The following PPFIA2 variants were observed in gnomAD, a reference collection of about 807,000 sequenced individuals.
PPFIA2 encodes the protein liprin-alpha-2.
Under a neutral mutation model 175.5 loss-of-function variants are expected in PPFIA2, and 46 were observed. That is an observed-to-expected ratio of 0.26 (90% confidence interval 0.21 to 0.34). PPFIA2 has a LOEUF of 0.34. PPFIA2 is among the 10% of genes least tolerant of loss of function. The pLI, the probability that PPFIA2 is intolerant of heterozygous loss-of-function variation, is 1.00. For missense variants in PPFIA2, 1,179 were observed against 1,506.1 expected (o/e 0.78, Z 3.60); for synonymous variants, 568 against 511.4 (o/e 1.11, Z -1.49).
At position 81,676,791 on chromosome 12, in the gene PPFIA2, C is replaced by T. The variant is rs776234519; in HGVS notation, c.303G>A (p.Pro101=). 7 of 1,552,660 alleles carry T rather than the reference C, an allele frequency of 4.5e-6. No individual in the cohort carries two copies. Among genetic ancestry groups the T allele is most frequent in the South Asian group, 2.4e-5 (2 of 82,162 alleles). ...AAATTTAATGAAGAATCTAACTTAC[C>T]GGTGGATCAGCCCCCTTAGAACCAG... ...GLAGSKGADP[P]EFAALTKELN... The change falls in exon 4 of 33, where the codon CCG becomes CCA. Residue 101 remains proline, a splice_region_variant and synonymous_variant. Transcript: ENST00000549396.
At position 81,754,411 on chromosome 12, in the gene PPFIA2, C is replaced by T. The variant is rs117297744; in HGVS notation, c.-2-188G>A. Among the ~76,000 whole-genome samples the T allele has an allele frequency of 5.9e-3, 905 of 152,316 alleles. 3 individuals carry two copies. The highest frequency in any genetic ancestry group is 0.034 in the Middle Eastern group (10 of 294). ...TGAAATATGATCCATTTACTTCCTT[C>T]AGCCTAAGTGCTTTCTCTTTCCATG... On this transcript the variant is annotated intron_variant, in intron 2 of 32. Coordinates refer to ENST00000549396, the MANE Select transcript of PPFIA2 (RefSeq NM_003625.5).
intron 28 of PPFIA2, among the ~76,000 whole-genome samples, chr12:81,275,932 C>T (rs2040395199): frequency 6.6e-6 from 1 of 151,724 alleles, no homozygotes; most frequent in Non-Finnish European, 1.5e-5. Flanking sequence ...CTACAGGCGC[C>T]TGCCACCACG....
chr12:81,415,551 G>A (rs1439386417), intron 7 of PPFIA2, among the ~76,000 whole-genome samples: 1 of 148,304 alleles, frequency 6.7e-6, no homozygotes, highest in African/African-American at 2.4e-5. Flanking sequence ...AATACACATG[G>A]AATTCAAACT....
At chr12:81,436,537 T>C (rs1299192216) in intron 7 of PPFIA2, among the ~76,000 whole-genome samples, 4 of 152,018 alleles carry the variant, frequency 2.6e-5, no homozygotes, top group African/African-American at 7.2e-5. Flanking sequence ...AAGCTGCTAA[T>C]AGTATGAATT....
chr12:81,339,063 C>G (rs1311858824), intron 21 of PPFIA2, 117 bp downstream of exon 21: 1 of 972,512 alleles, frequency 1.0e-6, no homozygotes, highest in African/African-American at 1.7e-5. Flanking sequence ...TAAATTTTGT[C>G]AGGTAGAAAA....
chr12:81,445,005 G>A (rs1198301887), intron 6 of PPFIA2, among the ~76,000 whole-genome samples: 2 of 151,748 alleles, frequency 1.3e-5, no homozygotes, highest in Non-Finnish European at 2.9e-5. Context: ...CTAAACACAG[G>A]TTTTTCTACT....
chr12:81,552,790 G>A (rs933217631), intron 4 of PPFIA2, among the ~76,000 whole-genome samples: 6 of 151,882 alleles, frequency 4.0e-5, no homozygotes, highest in East Asian at 3.9e-4. Context: ...TCCCATTCAC[G>A]CTAAACAGTA....
At chr12:81,580,460 T>C (rs528922307) in intron 4 of PPFIA2, among the ~76,000 whole-genome samples, 7 of 151,920 alleles carry the variant, frequency 4.6e-5, no homozygotes, top group African/African-American at 1.7e-4. Context: ...CACGGTATGG[T>C]TGAACATCAA....
chr12:81,645,735 G>C (rs927370394), intron 4 of PPFIA2, among the ~76,000 whole-genome samples: 14 of 152,228 alleles, frequency 9.2e-5, no homozygotes, highest in African/African-American at 3.4e-4. Flanking sequence ...AGCCATAAAA[G>C]TGGGTAGTAG....
Position 81,642,673 on chromosome 12 carries a change from A to ATGTGTATGTATATATTATATACATG in PPFIA2, c.303+34117_303+34118insCATGTATATAATATATACATACACA. On this transcript the variant is annotated intron_variant, in intron 4 of 32. Transcript: ENST00000549396. Reference sequence around the variant, plus strand: ...ATGTATGTATCTATTATATACATACATGTATGTATCTATTATATACATACA... The same window carrying ATGTGTATGTATATATTATATACATG: ...ATGTATGTATCTATTATATACATACATGTGTATGTATATATTATATACATGTGTATGTATCTATTATATACATACA... 1.1e-4 allele frequency among the ~76,000 whole-genome samples: 3 copies of ATGTGTATGTATATATTATATACATG among 28,414 alleles called. 1 individual carries two copies. In the South Asian group the frequency reaches 4.1e-3, roughly 39 times the overall value. 18.6% of individuals were successfully genotyped at this position (28,414 alleles called of 152,430 possible).
At chr12:81,668,289 AC>A (rs1555577290) in intron 4 of PPFIA2, among the ~76,000 whole-genome samples, 2 of 151,950 alleles carry the variant, frequency 1.3e-5, no homozygotes, top group Non-Finnish European at 2.9e-5. Context: ...AAGCTCATGT[AC>A]CTTTGACACA....
intron 4 of PPFIA2, among the ~76,000 whole-genome samples, chr12:81,512,116 C>G (rs759300947): frequency 6.6e-6 from 1 of 151,986 alleles, no homozygotes; most frequent in African/African-American, 2.4e-5. Flanking sequence ...CTTTTTCTGC[C>G]TGCTTTTAAG....
intron 4 of PPFIA2, among the ~76,000 whole-genome samples, chr12:81,471,921 G>A (rs2056800992): frequency 6.6e-6 from 1 of 152,132 alleles, no homozygotes; most frequent in Non-Finnish European, 1.5e-5. Context: ...TGTGGTGATT[G>A]TAACATGAGT....
At chr12:81,469,991 G>C (rs539610930) in intron 4 of PPFIA2, among the ~76,000 whole-genome samples, 5 of 152,178 alleles carry the variant, frequency 3.3e-5, no homozygotes, top group Non-Finnish European at 7.3e-5. Context: ...CTGAAACTCT[G>C]ATCTCAGGTT....
At chr12:81,503,935 G>T (rs1225316387) in intron 4 of PPFIA2, among the ~76,000 whole-genome samples, 1 of 151,766 alleles carries the variant, frequency 6.6e-6, no homozygotes, top group Non-Finnish European at 1.5e-5. Flanking sequence ...AATTGTATTT[G>T]AGCAAATACA....
intron 8 of PPFIA2, among the ~76,000 whole-genome samples, chr12:81,391,194 AAT>A (rs374689253): frequency 9.2e-5 from 14 of 151,962 alleles, no homozygotes; most frequent in African/African-American, 3.4e-4. Context: ...GAAAGCAGAG[AAT>A]ATCTTTGTGA....
At chr12:81,440,552 G>GT (rs939568213) in intron 6 of PPFIA2, among the ~76,000 whole-genome samples, 3 of 151,924 alleles carry the variant, frequency 2.0e-5, no homozygotes, top group African/African-American at 4.8e-5. Flanking sequence ...TCGCTTCTCT[G>GT]TTTTTTATTA....
chr12:81,361,816 A>G (rs1443929548), intron 15 of PPFIA2, among the ~76,000 whole-genome samples: 1 of 151,624 alleles, frequency 6.6e-6, no homozygotes, highest in Non-Finnish European at 1.5e-5. Flanking sequence ...AACTTCTACT[A>G]AAAGCCTATG....
At chr12:81,629,176 T>C (rs546349316) in intron 4 of PPFIA2, among the ~76,000 whole-genome samples, 150 of 152,260 alleles carry the variant, frequency 9.9e-4, no homozygotes, top group Non-Finnish European at 1.7e-3. Flanking sequence ...TATTTATATA[T>C]AATATGAATT....
Sources: allele counts gnomAD v4.1 joint callset (sites outside exome capture counted in the v4.1 genomes callset), GRCh38; gene constraint gnomAD v4.1.1; transcripts MANE v1.5; gene names NCBI Gene and HGNC (gene_info 2026-07-23, HGNC 2026-07-21).